ENPP6: variants seen among roughly 807,000 people sequenced by gnomAD.
The protein encoded by ENPP6 is glycerophosphocholine cholinephosphodiesterase ENPP6.
A neutral mutation model predicts 42.0 loss-of-function variants in ENPP6; 32 were observed. The ratio of observed to expected loss-of-function variants is 0.76; its 90% CI spans 0.58 to 1.02. The LOEUF is 1.02. Ranked by LOEUF, ENPP6 falls within the 50% of genes least tolerant of loss-of-function variation. The pLI is 0.00. For synonymous variants in ENPP6, 213 were observed against 216.0 expected, an observed-to-expected ratio of 0.99 and a Z score of 0.12; for missense variants, 552 against 566.8, an observed-to-expected ratio of 0.97 and a Z score of 0.27.
At chr4:184,092,242 C>T (rs1460187160) in intron 7 of ENPP6, among the ~76,000 whole-genome samples, 1 of 152,076 alleles carries the variant, frequency 6.6e-6, no homozygotes, top group Non-Finnish European at 1.5e-5. Context: ...TCTCGGTGCT[C>T]GCTAGCTCAG....
chr4:184,191,005 G>A (rs1431773809), intron 1 of ENPP6, among the ~76,000 whole-genome samples: 4 of 152,200 alleles, frequency 2.6e-5, no homozygotes, highest in African/African-American at 9.6e-5. Context: ...TAGTCTGAAG[G>A]AAGCCTGGAA....
intron 1 of ENPP6, among the ~76,000 whole-genome samples, chr4:184,188,534 C>T (rs577872525): frequency 6.6e-6 from 1 of 152,220 alleles, no homozygotes; most frequent in South Asian, 2.1e-4. Context: ...TCTTGCCACG[C>T]TGTGTTTGCA....
chr4:184,175,454 C>T (rs1188719086), intron 1 of ENPP6, among the ~76,000 whole-genome samples: 1 of 152,152 alleles, frequency 6.6e-6, no homozygotes, highest in African/African-American at 2.4e-5. Context: ...TCCCTGCTCT[C>T]TTCTCTTCTA....
At chr4:184,193,405 T>C (rs1412259260) in intron 1 of ENPP6, among the ~76,000 whole-genome samples, 1 of 152,202 alleles carries the variant, frequency 6.6e-6, no homozygotes, top group Non-Finnish European at 1.5e-5. Context: ...TATGATTCCA[T>C]GTGTATGAAA....
At chr4:184,181,671 AAATGG>A (rs1190316674) in intron 1 of ENPP6, among the ~76,000 whole-genome samples, 3 of 152,116 alleles carry the variant, frequency 2.0e-5, no homozygotes, top group Non-Finnish European at 4.4e-5. Flanking sequence ...ACACATAGAC[AAATGG>A]AACAGAATAG....
intron 1 of ENPP6, among the ~76,000 whole-genome samples, chr4:184,194,226 G>A (rs1010846407): frequency 2.6e-5 from 4 of 152,184 alleles, no homozygotes; most frequent in Admixed American, 1.3e-4. Context: ...GTCGCAGTGT[G>A]AGAATATAAA....
chr4:184,216,675 T>G (rs1362794588), intron 1 of ENPP6: 3 of 152,228 alleles, frequency 2.0e-5, no homozygotes, highest in Non-Finnish European at 1.5e-5. Context: ...GCTAAATTCT[T>G]TCTGAGAGCC....
At chr4:184,138,786 G>A (rs17075332) in intron 2 of ENPP6, among the ~76,000 whole-genome samples, 3,621 of 152,288 alleles carry the variant, frequency 0.024, 157 homozygotes, top group African/African-American at 0.081. Flanking sequence ...AACTGGGCCC[G>A]AAGTGATGTT....
intron 1 of ENPP6, among the ~76,000 whole-genome samples, chr4:184,209,214 C>A (rs1221867669): frequency 6.6e-6 from 1 of 151,608 alleles, no homozygotes; most frequent in Admixed American, 6.6e-5. Context: ...TCCTCACCAG[C>A]AATGGAACAA....
At chr4:184,113,721 G>A (rs1003587182) in intron 5 of ENPP6, among the ~76,000 whole-genome samples, 1 of 152,122 alleles carries the variant, frequency 6.6e-6, no homozygotes, top group South Asian at 2.1e-4. Flanking sequence ...GTACTTGTTT[G>A]CCATTAACTA....
chr4:184,160,850 C>A (rs1252379568), intron 1 of ENPP6, among the ~76,000 whole-genome samples: 2 of 152,124 alleles, frequency 1.3e-5, no homozygotes, highest in Non-Finnish European at 1.5e-5. Flanking sequence ...TGTAGCTCAG[C>A]CTGCTCCTAT....
intron 2 of ENPP6, among the ~76,000 whole-genome samples, chr4:184,138,832 A>G (rs79150573): frequency 0.034 from 5,133 of 152,302 alleles, 269 homozygotes; most frequent in African/African-American, 0.11. Flanking sequence ...CCATCTGACA[A>G]TGGCATAAGG....
At chr4:184,127,939 T>C (rs1736532323) in intron 2 of ENPP6, among the ~76,000 whole-genome samples, 1 of 152,138 alleles carries the variant, frequency 6.6e-6, no homozygotes, top group South Asian at 2.1e-4. Flanking sequence ...GAAAGCATTT[T>C]CATTGTTGAT....
intron 2 of ENPP6, among the ~76,000 whole-genome samples, chr4:184,138,483 C>T (rs1736766910): frequency 6.6e-6 from 1 of 152,186 alleles, no homozygotes; most frequent in Admixed American, 6.5e-5. Flanking sequence ...CCAACATTTA[C>T]ATCAATATTT....
chr4:184,112,542 A>G, intron 6 of ENPP6, 130 bp downstream of exon 6: 1 of 1,135,782 alleles, frequency 8.8e-7, no homozygotes, highest in Non-Finnish European at 1.2e-6. Context: ...CTAAAGAAAG[A>G]CATAACGCAA....
chr4:184,215,528 C>T (rs1185887634), intron 1 of ENPP6, among the ~76,000 whole-genome samples: 1 of 152,126 alleles, frequency 6.6e-6, no homozygotes, highest in Admixed American at 6.5e-5. Context: ...TGGCATTTCC[C>T]AGCCTGCGAA....
At chr4:184,199,128 G>A (rs1732851611) in intron 1 of ENPP6, among the ~76,000 whole-genome samples, 1 of 152,228 alleles carries the variant, frequency 6.6e-6, no homozygotes, top group African/African-American at 2.4e-5. Context: ...AGATCACGCT[G>A]CTTGGAACGT....
At position 184,145,861 on chromosome 4, in the gene ENPP6, G is replaced by A. The variant is rs565778920; in HGVS notation, c.421+7693C>T. 4.6e-5 allele frequency among the ~76,000 whole-genome samples: 7 copies of A among 152,310 alleles called. No individual in the cohort carries two copies. The East Asian group carries it at 1.2e-3, about 25-fold the overall frequency. On this transcript the variant is annotated intron_variant, in intron 2 of 7. Transcript: ENST00000296741. ...TTACTGTAAACCCATAGGGGCCAGT[G>A]ACTGCCCAAGAATAAATGGAGTATT... is the stretch of plus-strand genomic sequence containing the variant.
chr4:184,199,495 C>A (rs1332439941), intron 1 of ENPP6, among the ~76,000 whole-genome samples: 1 of 152,228 alleles, frequency 6.6e-6, no homozygotes, highest in Non-Finnish European at 1.5e-5. Context: ...AAAGCCAAAT[C>A]CTTAGACACA....
Sources: allele counts gnomAD v4.1 joint callset (sites outside exome capture counted in the v4.1 genomes callset), GRCh38; gene constraint gnomAD v4.1.1; transcripts MANE v1.5; gene names NCBI Gene and HGNC (gene_info 2026-07-23, HGNC 2026-07-21).